The following GRID2 variants were observed in gnomAD, a reference collection of about 807,000 sequenced individuals.
GRID2 encodes glutamate ionotropic receptor delta type subunit 2.
A neutral mutation model predicts 114.8 loss-of-function variants in GRID2; 33 were observed. The observed-to-expected ratio is 0.29, with a 90% confidence interval of 0.22 to 0.38. The LOEUF is 0.38. Among genes scored for constraint, GRID2 ranks in the 10% least tolerant of loss-of-function variants. GRID2 has a pLI of 1.00. For synonymous variants in GRID2, 505 were observed against 449.9 expected (o/e 1.12, Z -1.55); for missense variants, 1,184 against 1,257.7 (o/e 0.94, Z 0.89).
chr4:93,286,711 G>A (rs946607595), intron 8 of GRID2, among the ~76,000 whole-genome samples: 164 of 150,182 alleles, frequency 1.1e-3, no homozygotes, highest in African/African-American at 3.5e-3. Context: ...GTGTGTGTGT[G>A]TGTGTGTGTA....
chr4:92,391,938 A>G (rs1277586975), intron 1 of GRID2, among the ~76,000 whole-genome samples: 2 of 152,190 alleles, frequency 1.3e-5, no homozygotes, highest in African/African-American at 4.8e-5. Context: ...CTGGAAAGGT[A>G]TTTTAAAAAA....
chr4:93,670,175 A>G (rs1384051965), intron 14 of GRID2, among the ~76,000 whole-genome samples: 4 of 152,154 alleles, frequency 2.6e-5, no homozygotes, highest in Non-Finnish European at 5.9e-5. Context: ...GTTTAGAACA[A>G]TTGTTTATTG....
At chr4:92,929,443 T>G (rs1200538716) in intron 2 of GRID2, among the ~76,000 whole-genome samples, 1 of 151,364 alleles carries the variant, frequency 6.6e-6, no homozygotes, top group East Asian at 1.9e-4. Flanking sequence ...CAAGTGTAAG[T>G]AATTTTTCTA....
chr4:92,588,294 A>G (rs1194789993), intron 1 of GRID2, among the ~76,000 whole-genome samples: 1 of 152,092 alleles, frequency 6.6e-6, no homozygotes, highest in Non-Finnish European at 1.5e-5. Flanking sequence ...ATTAAAGTCT[A>G]TAATATATAT....
chr4:92,813,272 A>C (rs1740737929), intron 2 of GRID2, among the ~76,000 whole-genome samples: 1 of 152,150 alleles, frequency 6.6e-6, no homozygotes, highest in South Asian at 2.1e-4. Context: ...TCTGAAGGCT[A>C]GACATCTGAG....
At chr4:92,677,896 C>G (rs183588330) in intron 2 of GRID2, among the ~76,000 whole-genome samples, 1 of 152,184 alleles carries the variant, frequency 6.6e-6, no homozygotes, top group East Asian at 1.9e-4. Context: ...TTACGTAAAT[C>G]AGATCATGCT....
At chr4:92,961,663 A>C (rs1256502781) in intron 2 of GRID2, among the ~76,000 whole-genome samples, 1 of 151,084 alleles carries the variant, frequency 6.6e-6, no homozygotes, top group Non-Finnish European at 1.5e-5. Flanking sequence ...CTTAGCATTT[A>C]TCTTGCTTGC....
At chr4:93,556,593 G>A (rs1734336540) in intron 13 of GRID2, among the ~76,000 whole-genome samples, 1 of 152,146 alleles carries the variant, frequency 6.6e-6, no homozygotes, top group Admixed American at 6.6e-5. Flanking sequence ...AGAAATATGG[G>A]ACTATGTGAA....
chr4:93,715,090 C>G (rs543732362), intron 14 of GRID2, among the ~76,000 whole-genome samples: 1 of 152,194 alleles, frequency 6.6e-6, no homozygotes, highest in Non-Finnish European at 1.5e-5. Flanking sequence ...TTTAATCCAT[C>G]TTGAGTTGAT....
At chr4:93,549,964 T>C (rs13102309) in intron 13 of GRID2, among the ~76,000 whole-genome samples, 25,864 of 152,108 alleles carry the variant, frequency 0.17, 2,742 homozygotes, top group Middle Eastern at 0.29. Context: ...TCACTGTCCC[T>C]GAACCTTAGG....
chr4:92,760,272 A>G (rs890305835), intron 2 of GRID2, among the ~76,000 whole-genome samples: 24 of 149,918 alleles, frequency 1.6e-4, no homozygotes, highest in Admixed American at 4.7e-4. Flanking sequence ...GAAAAGAAAT[A>G]TTTGAAGAAG....
intron 1 of GRID2, among the ~76,000 whole-genome samples, chr4:93,783,868 C>A (rs932071320): frequency 6.6e-6 from 1 of 151,354 alleles, no homozygotes; most frequent in African/African-American, 2.4e-5. Context: ...GTCAGGAGAT[C>A]GAGACCATCC....
At chr4:92,548,918 T>C (rs1221906677) in intron 1 of GRID2, among the ~76,000 whole-genome samples, 1 of 152,018 alleles carries the variant, frequency 6.6e-6, no homozygotes, top group African/African-American at 2.4e-5. Context: ...ATAAGAACTC[T>C]ATCACAGGAA....
chr4:93,523,785 G>C (rs1015095327), intron 13 of GRID2, among the ~76,000 whole-genome samples: 4 of 152,110 alleles, frequency 2.6e-5, no homozygotes, highest in Non-Finnish European at 5.9e-5. Flanking sequence ...TCCCACAGCT[G>C]AGTGAGGCTG....
At chr4:93,785,110 G>A (rs1404150759) in intron 1 of GRID2, among the ~76,000 whole-genome samples, 1 of 152,190 alleles carries the variant, frequency 6.6e-6, no homozygotes, top group Non-Finnish European at 1.5e-5. Flanking sequence ...TATTGAGAAA[G>A]ATCAGATAGT....
At chr4:92,425,399 A>G (rs1191489130) in intron 1 of GRID2, among the ~76,000 whole-genome samples, 1 of 152,110 alleles carries the variant, frequency 6.6e-6, no homozygotes, top group African/African-American at 2.4e-5. Flanking sequence ...GAATAAAAAC[A>G]AGAAAACAAG....
chr4:93,633,943 G>A (rs1721181667), intron 14 of GRID2, among the ~76,000 whole-genome samples: 1 of 152,114 alleles, frequency 6.6e-6, no homozygotes, highest in South Asian at 2.1e-4. Context: ...AGTAGCTCCA[G>A]GATTGGTCAA....
intron 12 of GRID2, among the ~76,000 whole-genome samples, chr4:93,498,891 A>G (rs970823790): frequency 1.3e-5 from 2 of 151,912 alleles, no homozygotes; most frequent in Non-Finnish European, 2.9e-5. Flanking sequence ...ACCGTTAGGT[A>G]TGACATTATC....
intron 2 of GRID2, among the ~76,000 whole-genome samples, chr4:92,769,915 G>T (rs913880979): frequency 2.0e-5 from 3 of 152,330 alleles, no homozygotes; most frequent in Admixed American, 1.3e-4. Flanking sequence ...TTTCTCCATT[G>T]TCTTGGAGAT....
Sources: allele counts gnomAD v4.1 joint callset (sites outside exome capture counted in the v4.1 genomes callset), GRCh38; gene constraint gnomAD v4.1.1; transcripts MANE v1.5; gene names NCBI Gene and HGNC (gene_info 2026-07-23, HGNC 2026-07-21).